The following PRDM4 variants were observed in gnomAD, a reference collection of about 807,000 sequenced individuals.
The protein encoded by PRDM4 is PR domain zinc finger protein 4.
A neutral mutation model predicts 62.3 loss-of-function variants in PRDM4; 38 were observed. The ratio of observed to expected loss-of-function variants is 0.61; its 90% CI spans 0.47 to 0.80. PRDM4 has a LOEUF of 0.80. Ranked by LOEUF, PRDM4 falls within the 30% of genes least tolerant of loss-of-function variation. PRDM4 has a pLI of 0.00. For missense variants in PRDM4, 858 were observed against 997.1 expected (o/e 0.86, Z 1.88); for synonymous variants, 339 against 348.2 (o/e 0.97, Z 0.30).
chr12:107,741,482 G>T (rs761362293), intron 9 of PRDM4, among the ~76,000 whole-genome samples: 7 of 152,042 alleles, frequency 4.6e-5, no homozygotes, highest in Non-Finnish European at 1.0e-4. Flanking sequence ...GCCCAAAGTG[G>T]CATGATCATT....
chr12:107,752,067 T>G lies in PRDM4; in HGVS notation c.474A>C (p.Leu158Phe). 6.2e-7 allele frequency: 1 copy of G among 1,614,050 alleles called. No homozygotes were observed. The highest frequency in any genetic ancestry group is 8.5e-7 in the Non-Finnish European group (1 of 1,179,864). The change falls in exon 5 of 12, where the codon TTA becomes TTC. Residue 158 changes from leucine (L) to phenylalanine (F), a missense_variant. Leu to Phe is a conservative substitution (Grantham distance 22). This residue lies in a region of PRDM4 where 499 missense variants were observed against 546.7 expected (regional missense o/e 0.91). Coordinates refer to ENST00000228437, the MANE Select transcript of PRDM4 (RefSeq NM_012406.4). ...DPYQSNGNVG[L>F]EPGIVSIDSR... ...AGTCTATTGAAACAATGCCTGGTTC[T>G]AATCCAACATTTCCATTGGACTGAT...
At position 107,746,369 on chromosome 12, in the gene PRDM4, C is replaced by T. The variant is rs2136320282; in HGVS notation, c.1182G>A (p.Val394=). 2 of 1,613,656 alleles carry T rather than the reference C, an allele frequency of 1.2e-6. No homozygotes were observed. The highest frequency in any genetic ancestry group is 1.7e-6 in the Non-Finnish European group (2 of 1,179,716). The change falls in exon 6 of 12, where the codon GTG becomes GTA. Residue 394 remains valine (V), a synonymous_variant. Transcript: ENST00000228437. ...CTATTGGAGTGTCAGGAACAAAAGT[C>T]ACTGGTCCATGTTCGGGACAGTCCG... The part of the protein sequence containing the change: ...YPSDCPEHGP[V]TFVPDTPIES...
chr12:107,743,144 A>C (rs1890574975), intron 8 of PRDM4, 53 bp downstream of exon 8: 1 of 1,395,312 alleles, frequency 7.2e-7, no homozygotes, highest in Admixed American at 1.7e-5. Context: ...AAAGCTTCCT[A>C]TTGAAAAACA....
chr12:107,759,511 T>C (rs1163277212), intron 2 of PRDM4, among the ~76,000 whole-genome samples: 2 of 152,212 alleles, frequency 1.3e-5, no homozygotes, highest in African/African-American at 4.8e-5. Flanking sequence ...TTATTTAATT[T>C]CAAGATAAAA....
chr12:107,754,262 C>T (rs1890993857), intron 3 of PRDM4, among the ~76,000 whole-genome samples, 153 bp from the exon 4 acceptor site: 1 of 152,142 alleles, frequency 6.6e-6, no homozygotes, highest in South Asian at 2.1e-4. Context: ...TGCAAATATC[C>T]ACAAATAAGC....
chr12:107,760,233 T>C (rs946281105), intron 2 of PRDM4, among the ~76,000 whole-genome samples: 1 of 152,244 alleles, frequency 6.6e-6, no homozygotes, highest in Admixed American at 6.5e-5. Context: ...CGGAAAAATA[T>C]ATTAAACGCT....
chr12:107,745,290 T>C (rs1439023742), intron 6 of PRDM4, among the ~76,000 whole-genome samples: 2 of 152,152 alleles, frequency 1.3e-5, no homozygotes, highest in African/African-American at 4.8e-5. Flanking sequence ...ATAAAAAAGT[T>C]TGTAGCTCAC....
At chr12:107,748,805 G>A (rs185356724) in intron 5 of PRDM4, among the ~76,000 whole-genome samples, 10 of 152,192 alleles carry the variant, frequency 6.6e-5, no homozygotes, top group Admixed American at 4.6e-4. Flanking sequence ...TAAATTGCAC[G>A]TTTAAAATGT....
chr12:107,734,861 C>T (rs935362232), intron 11 of PRDM4, among the ~76,000 whole-genome samples: 1 of 152,188 alleles, frequency 6.6e-6, no homozygotes, highest in Admixed American at 6.5e-5. Context: ...ATACTATTTA[C>T]AAATATACAA....
chr12:107,733,105 T>C lies in PRDM4; in HGVS notation c.*1105A>G, dbSNP rs991993685. The C allele has an allele frequency of 5.9e-5, 9 of 152,436 alleles. No individual in the cohort carries two copies. The highest frequency in any genetic ancestry group is 2.0e-4 in the Admixed American group (3 of 15,272). The allele number at this position is 152,436 out of a possible 1,614,324, so 9.4% of individuals were successfully genotyped here. A position where few individuals can be genotyped will look rare whatever the true frequency, so the allele number is the denominator to read the frequency against. ...GAGACACAATGACCAGGTGCATGGGTGACTTAACTAAGCTGGGACCCTGAA... is the reference window on the plus strand; with the variant it reads ...GAGACACAATGACCAGGTGCATGGGCGACTTAACTAAGCTGGGACCCTGAA... On this transcript the variant is annotated 3_prime_UTR_variant, in exon 12 of 12. Coordinates refer to ENST00000228437, the MANE Select transcript of PRDM4 (RefSeq NM_012406.4).
chr12:107,754,801 T>G (rs1223427317), intron 3 of PRDM4: 1 of 152,252 alleles, frequency 6.6e-6, no homozygotes, highest in Non-Finnish European at 1.5e-5. Flanking sequence ...GAAATTTTTT[T>G]GGTATTTTTA....
Position 107,740,959 on chromosome 12 carries a change from G to A in PRDM4, c.1911C>T (p.Leu637=). The A allele has an allele frequency of 6.2e-7, 1 of 1,613,688 alleles. No homozygotes were observed. Among genetic ancestry groups the A allele is most frequent in the African/African-American group, 1.3e-5 (1 of 75,002 alleles). The change falls in exon 10 of 12, where the codon CTC becomes CTT. Residue 637 remains leucine (L), a synonymous_variant. Coordinates refer to ENST00000228437, the MANE Select transcript of PRDM4 (RefSeq NM_012406.4). ...FSDPSNLRTH[L]KIHTGQKNYR... is the part of the protein sequence containing the mutation. ...AACACAACTTACCTGTATGTATCTT[G>A]AGGTGGGTCCGCAGGTTGCTGGGAT...
Position 107,751,879 on chromosome 12 carries a change from T to C in PRDM4, c.662A>G (p.Glu221Gly). The C allele has an allele frequency of 6.2e-7, 1 of 1,614,214 alleles. No individual in the cohort carries two copies. Among genetic ancestry groups the C allele is most frequent in the Non-Finnish European group, 8.5e-7 (1 of 1,180,044 alleles). The change falls in exon 5 of 12, where the codon GAG (glutamate) becomes GGG (glycine). Residue 221 changes from glutamate (E) to glycine (G), a missense_variant. Around this residue, in one of 3 missense-constraint regions of PRDM4, gnomAD observed 499 missense variants for 546.7 expected, o/e 0.91. Transcript: ENST00000228437. ...GGAGCCATTTGGGATTTGGGAATGCTCGCCTGCAACACCGTCCATCGTAAG... is the reference window on the plus strand; with the variant it reads ...GGAGCCATTTGGGATTTGGGAATGCCCGCCTGCAACACCGTCCATCGTAAG... Reference protein sequence around the residue: ...EELTMDGVAGEHSQIPNGSRS... With the variant: ...EELTMDGVAGGHSQIPNGSRS...
At chr12:107,743,357 A>G (rs1890581973) in intron 7 of PRDM4, 75 bp from the exon 8 acceptor site, 2 of 1,048,896 alleles carry the variant, frequency 1.9e-6, no homozygotes, top group Non-Finnish European at 3.0e-6. Flanking sequence ...TTAGGCCAGC[A>G]ATCACCTCAT....
chr12:107,760,553 G>C lies in PRDM4; in HGVS notation c.-38C>G. On this transcript the variant is annotated 5_prime_UTR_variant, in exon 2 of 12. Transcript: ENST00000228437. ...AAATATCAGAGAAAGGAGCGCTCGGGTGGTGGGGAACAGGCATCAGGGTTT... is the reference window on the plus strand; with the variant it reads ...AAATATCAGAGAAAGGAGCGCTCGGCTGGTGGGGAACAGGCATCAGGGTTT... The C allele has an allele frequency of 6.2e-7, 1 of 1,611,996 alleles. No individual in the cohort carries two copies. The highest frequency in any genetic ancestry group is 8.5e-7 in the Non-Finnish European group (1 of 1,179,064).
chr12:107,760,555 G>A lies in PRDM4; in HGVS notation c.-40C>T. 1 of 1,611,624 alleles carries A rather than the reference G, an allele frequency of 6.2e-7. No homozygotes were observed. The highest frequency in any genetic ancestry group is 1.1e-5 in the South Asian group (1 of 90,590). ...ATATCAGAGAAAGGAGCGCTCGGGT[G>A]GTGGGGAACAGGCATCAGGGTTTGC... On this transcript the variant is annotated 5_prime_UTR_variant, in exon 2 of 12. Transcript: ENST00000228437.
chr12:107,739,045 C>G (rs1890429594), intron 11 of PRDM4: 1 of 193,530 alleles, frequency 5.2e-6, no homozygotes, highest in Non-Finnish European at 1.1e-5. Context: ...TCTTACTCTT[C>G]TCACTCCATC....
In PRDM4 at chr12:107,758,864, G is replaced by A. The variant is rs116799708; in HGVS notation, c.11+1641C>T. 3.9e-3 allele frequency among the ~76,000 whole-genome samples: 587 copies of A among 152,134 alleles called. 5 individuals carry two copies. Among genetic ancestry groups the A allele is most frequent in the African/African-American group, 0.013 (557 of 41,492 alleles). ...ACATTCTGAATTTTCTTATTTTATC[G>A]GATGGAGCTATGCAAACTCATCACC... On this transcript the variant is annotated intron_variant, in intron 2 of 11. Coordinates refer to ENST00000228437, the MANE Select transcript of PRDM4 (RefSeq NM_012406.4).
chr12:107,751,387 C>T (rs771326516), intron 5 of PRDM4, 28 bp downstream of exon 5: 3 of 1,568,786 alleles, frequency 1.9e-6, no homozygotes, highest in Non-Finnish European at 1.7e-6. Context: ...ACAAATATTT[C>T]CAAAAAAGAA....
Sources: gnomAD v4.1 joint callset for allele counts (sites outside exome capture counted in the v4.1 genomes callset) on GRCh38, gnomAD v4.1.1 for gene constraint, gnomAD v4.1.1 regional missense constraint, MANE v1.5 for transcripts, NCBI Gene and HGNC (gene_info 2026-07-23, HGNC 2026-07-21) for gene names.